Variants in AGAP1 observed in about 807,000 individuals in gnomAD.
The protein encoded by AGAP1 is arf-GAP with GTPase, ANK repeat and PH domain-containing protein 1.
A neutral mutation model predicts 105.3 loss-of-function variants in AGAP1; 29 were observed. The observed-to-expected ratio is 0.28, with a 90% CI of 0.21 to 0.38. The LOEUF (loss-of-function observed/expected upper bound fraction) is 0.38. AGAP1 is among the 10% of genes least tolerant of loss of function. The pLI, the probability that AGAP1 is intolerant of heterozygous loss-of-function variation, is 1.00. For missense variants in AGAP1, 998 were observed against 1,165.1 expected (o/e 0.86, Z 2.09); for synonymous variants, 509 against 485.9 (o/e 1.05, Z -0.63).
chr2:235,931,306 CCACCACTAGTG>C lies in AGAP1; in HGVS notation c.1483+387_1483+397del, dbSNP rs1213422610. 1.3e-5 allele frequency among the ~76,000 whole-genome samples: 2 copies of C among 152,186 alleles called. No homozygotes were observed. Among genetic ancestry groups the C allele is most frequent in the African/African-American group, 2.4e-5 (1 of 41,448 alleles). Reference sequence around the variant, plus strand: ...CCTACGTGGCGTGGCCCACACTCTTCCACCACTAGTGCACATTTTATATCATTAGGGTGAAT... The same window carrying C: ...CCTACGTGGCGTGGCCCACACTCTTCCACATTTTATATCATTAGGGTGAAT... On this transcript the variant is annotated intron_variant, in intron 12 of 17. Transcript: ENST00000304032. This position sits in a 1 kb window ranked among gnomAD's most constrained non-coding sequence, Gnocchi z 5.6.
chr2:235,684,333 C>T (rs537240085), intron 1 of AGAP1, among the ~76,000 whole-genome samples: 17 of 152,292 alleles, frequency 1.1e-4, no homozygotes, highest in Admixed American at 2.6e-4. Context: ...TGTGAACCAC[C>T]GCACCTGGCC....
In AGAP1 at chr2:235,789,431, G is replaced by A. The variant is rs1956844175; in HGVS notation, c.674-8328G>A. On this transcript the variant is annotated intron_variant, in intron 6 of 17. Transcript: ENST00000304032. The surrounding 1 kb of genome is among the most constrained non-coding windows in gnomAD (Gnocchi z 4.2). ...TCCAGCAAATTAACAACCCTAATAG[G>A]TAATTGCGACATAAATGAAGATAAA... 6.6e-6 allele frequency among the ~76,000 whole-genome samples: 1 copy of A among 151,998 alleles called. No individual in the cohort carries two copies. Among genetic ancestry groups the A allele is most frequent in the Non-Finnish European group, 1.5e-5 (1 of 68,030 alleles).
At position 236,095,076 on chromosome 2, in the gene AGAP1, G is replaced by C. The variant is rs1488913950; in HGVS notation, c.2115-25116G>C. 6.7e-6 allele frequency among the ~76,000 whole-genome samples: 1 copy of C among 150,272 alleles called. No individual in the cohort carries two copies. The highest frequency in any genetic ancestry group is 2.5e-5 in the African/African-American group (1 of 40,750). On this transcript the variant is annotated intron_variant, in intron 16 of 17. Transcript: ENST00000304032. The surrounding 1 kb of genome is among the most constrained non-coding windows in gnomAD (Gnocchi z 4.1). ...ATCAAGCCATTGTACTTTAGCCTTG[G>C]TGAGAGTGAGACACTGTCTCAAAAA...
At chr2:235,567,111 C>G (rs1475344177) in intron 1 of AGAP1, among the ~76,000 whole-genome samples, 3 of 152,248 alleles carry the variant, frequency 2.0e-5, no homozygotes, top group Admixed American at 2.0e-4. Context: ...GTGTGGACCT[C>G]TCCCACAGGT....
At chr2:235,544,009 G>A (rs552667400) in intron 1 of AGAP1, among the ~76,000 whole-genome samples, 5 of 152,278 alleles carry the variant, frequency 3.3e-5, no homozygotes, top group Admixed American at 1.3e-4. Context: ...GGCTCTGGCC[G>A]TGCCCCATTC....
chr2:235,669,410 T>G (rs1222388881), intron 1 of AGAP1, among the ~76,000 whole-genome samples: 1 of 151,982 alleles, frequency 6.6e-6, no homozygotes, highest in Non-Finnish European at 1.5e-5. Context: ...GGTTTTAGGG[T>G]GCAGGCTGGT....
chr2:236,071,907 T>C lies in AGAP1; in HGVS notation c.2114+22626T>C, dbSNP rs3768941. ...ACAGAGTCGTAATTTTTCTTGGTTTTAAAAACCAATCCAGATCTTGGAATT... is the reference window on the plus strand; with the variant it reads ...ACAGAGTCGTAATTTTTCTTGGTTTCAAAAACCAATCCAGATCTTGGAATT... On this transcript the variant is annotated intron_variant, in intron 16 of 17. Transcript: ENST00000304032. 5.8e-3 allele frequency among the ~76,000 whole-genome samples: 889 copies of C among 152,284 alleles called. 51 individuals carry two copies. The East Asian group carries it at 0.15, about 26-fold the overall frequency.
intron 17 of AGAP1, among the ~76,000 whole-genome samples, chr2:236,122,140 T>G: frequency 6.6e-6 from 1 of 152,040 alleles, no homozygotes; most frequent in Non-Finnish European, 1.5e-5. Flanking sequence ...TTTTGTAGAC[T>G]TACGTTCTTA....
rs1255194113 is a variant in AGAP1 at position 235,701,567 on chromosome 2, G to T, written c.164-7612G>T. The stretch of plus-strand genomic sequence containing the variant: ...TCTTTGAGCCTGAACTTCCAGGGAA[G>T]CCTGAAACCAATCTGGTATCCCCAG... On this transcript the variant is annotated intron_variant, in intron 1 of 17. Coordinates refer to ENST00000304032, the MANE Select transcript of AGAP1 (RefSeq NM_001037131.3). The surrounding 1 kb of genome is among the most constrained non-coding windows in gnomAD (Gnocchi z 4.1). 6.6e-6 allele frequency among the ~76,000 whole-genome samples: 1 copy of T among 152,306 alleles called. No individual in the cohort carries two copies. The highest frequency in any genetic ancestry group is 1.9e-4 in the East Asian group (1 of 5,184).
rs995897072 is a variant in AGAP1 at position 235,660,728 on chromosome 2, T to C, written c.164-48451T>C. ...CACTGGTGTGTTTAGATGGGGAATC[T>C]TGGGATGCAATAGAAACAACCTCTG... is the stretch of plus-strand genomic sequence containing the variant. On this transcript the variant is annotated intron_variant, in intron 1 of 17. Transcript: ENST00000304032. The surrounding 1 kb of genome is among the most constrained non-coding windows in gnomAD (Gnocchi z 5.3). Among the ~76,000 whole-genome samples the C allele has an allele frequency of 1.3e-5, 2 of 152,166 alleles. No individual in the cohort carries two copies. Among genetic ancestry groups the C allele is most frequent in the African/African-American group, 4.8e-5 (2 of 41,436 alleles).
chr2:235,969,317 C>A (rs1200693640), intron 13 of AGAP1, among the ~76,000 whole-genome samples: 4 of 150,454 alleles, frequency 2.7e-5, no homozygotes, highest in Non-Finnish European at 6.0e-5. Context: ...TACACACACA[C>A]ATACACACAC....
At chr2:235,508,328 T>A (rs1486790458) in intron 1 of AGAP1, among the ~76,000 whole-genome samples, 1 of 152,190 alleles carries the variant, frequency 6.6e-6, no homozygotes, top group Non-Finnish European at 1.5e-5. Context: ...ACCTACAGTT[T>A]TGATGTTTTA....
intron 9 of AGAP1, among the ~76,000 whole-genome samples, chr2:235,823,078 G>A (rs535750332): frequency 6.6e-6 from 1 of 152,214 alleles, no homozygotes; most frequent in South Asian, 2.1e-4. Context: ...CATGAAGGTT[G>A]GGAATTCTGT....
At position 235,801,714 on chromosome 2, in the gene AGAP1, GGCCT is replaced by G. The variant is rs988008731; in HGVS notation, c.957+2194_957+2197del. On this transcript the variant is annotated intron_variant, in intron 8 of 17. Transcript: ENST00000304032. This position sits in a 1 kb window ranked among gnomAD's most constrained non-coding sequence, Gnocchi z 6.0. ...GAGAGAAGGTGGGCTGTGGGCAGGCGGCCTGTGCCCCGGGAGGAGGGGCGGGCTT... is the reference window on the plus strand; with the variant it reads ...GAGAGAAGGTGGGCTGTGGGCAGGCGGTGCCCCGGGAGGAGGGGCGGGCTT... 5.3e-5 allele frequency among the ~76,000 whole-genome samples: 8 copies of G among 152,228 alleles called. No homozygotes were observed. The highest frequency in any genetic ancestry group is 1.9e-4 in the African/African-American group (8 of 41,548).
chr2:236,122,007 A>C (rs1269514883), intron 17 of AGAP1, among the ~76,000 whole-genome samples: 1 of 143,686 alleles, frequency 7.0e-6, no homozygotes, highest in East Asian at 2.1e-4. Context: ...GCTGGAGTGC[A>C]GTGGCACAAT....
At chr2:236,047,737 T>C (rs111537982) in intron 15 of AGAP1, among the ~76,000 whole-genome samples, 96 of 150,644 alleles carry the variant, frequency 6.4e-4, no homozygotes, top group African/African-American at 2.3e-3. Context: ...GGAGCTGGGA[T>C]TACAGGTGCC....
At chr2:236,110,622 G>C (rs1019758974) in intron 16 of AGAP1, among the ~76,000 whole-genome samples, 1 of 152,152 alleles carries the variant, frequency 6.6e-6, no homozygotes, top group Admixed American at 6.5e-5. Context: ...ATAAGCATTG[G>C]CTGTGAACAT....
In AGAP1 at chr2:235,807,278, C is replaced by CTGG. The variant is rs1231999239; in HGVS notation, c.998_1000dup (p.Leu333_Glu334insVal). 6 of 1,606,848 alleles carry CTGG rather than the reference C, an allele frequency of 3.7e-6. No homozygotes were observed. The East Asian group carries it at 1.4e-4, about 36-fold the overall frequency. ...CGACCCAGACAAAGAGAAGAAAGGCCTGGAGAGTCGTGCGGACAGCATTGG... is the reference window on the plus strand; with the variant it reads ...CGACCCAGACAAAGAGAAGAAAGGCCTGGTGGAGAGTCGTGCGGACAGCATTGG... On this transcript the variant is annotated inframe_insertion, in exon 9 of 18. Coordinates refer to ENST00000304032, the MANE Select transcript of AGAP1 (RefSeq NM_001037131.3).
chr2:235,526,813 A>T lies in AGAP1; in HGVS notation c.163+31964A>T, dbSNP rs1414788622. Among the ~76,000 whole-genome samples, 6 of 152,196 alleles carry T rather than the reference A, an allele frequency of 3.9e-5. No homozygotes were observed. The East Asian group carries it at 9.6e-4, about 24-fold the overall frequency. The stretch of plus-strand genomic sequence containing the variant: ...GTTCAGAATAGTTATGATTTATGAT[A>T]AACCTAAAAATTAAAAGTACCACAG... On this transcript the variant is annotated intron_variant, in intron 1 of 17. Coordinates refer to ENST00000304032, the MANE Select transcript of AGAP1 (RefSeq NM_001037131.3).
Sources: allele counts gnomAD v4.1 joint callset (sites outside exome capture counted in the v4.1 genomes callset), GRCh38; gene constraint gnomAD v4.1.1; non-coding constraint Gnocchi (gnomAD v3.1); transcripts MANE v1.5; gene names NCBI Gene and HGNC (gene_info 2026-07-23, HGNC 2026-07-21).